Variants in PPP2R3C observed in about 807,000 individuals in gnomAD.
PPP2R3C encodes serine/threonine-protein phosphatase 2A regulatory subunit B'' subunit gamma.
PPP2R3C carries 47 observed loss-of-function variants against 63.7 expected under a neutral mutation model. The ratio of observed to expected loss-of-function variants is 0.74; its 90% CI spans 0.58 to 0.94. The LOEUF is 0.94. Among genes scored for constraint, PPP2R3C ranks in the 40% least tolerant of loss-of-function variants. PPP2R3C has a pLI of 0.00. For missense variants in PPP2R3C, 421 were observed against 518.4 expected (o/e 0.81, Z 1.82); for synonymous variants, 180 against 177.4 (o/e 1.01, Z -0.12).
At chr14:35,089,750 C>T (rs1401573318) in intron 11 of PPP2R3C, among the ~76,000 whole-genome samples, 1 of 152,210 alleles carries the variant, frequency 6.6e-6, no homozygotes, top group East Asian at 1.9e-4. Flanking sequence ...ACTGCAAGCT[C>T]TGCCTCCTGG....
intron 11 of PPP2R3C, among the ~76,000 whole-genome samples, chr14:35,090,500 T>C (rs1451561814): frequency 6.6e-6 from 1 of 152,018 alleles, no homozygotes; most frequent in East Asian, 1.9e-4. Flanking sequence ...AGCCAGACCC[T>C]TTCTCAAAAA....
At chr14:35,114,759 G>A (rs946579272) in intron 2 of PPP2R3C, among the ~76,000 whole-genome samples, 5 of 152,080 alleles carry the variant, frequency 3.3e-5, no homozygotes, top group Admixed American at 2.6e-4. Context: ...TTGGGAGGCC[G>A]AGGCAGGTAG....
At chr14:35,119,429 T>A (rs1395594617) in intron 1 of PPP2R3C, among the ~76,000 whole-genome samples, 4 of 152,080 alleles carry the variant, frequency 2.6e-5, no homozygotes, top group Non-Finnish European at 5.9e-5. Flanking sequence ...CCCAAACTCC[T>A]AGACTGAAAC....
At chr14:35,095,567 T>C (rs2045964276) in intron 9 of PPP2R3C, among the ~76,000 whole-genome samples, 1 of 150,940 alleles carries the variant, frequency 6.6e-6, no homozygotes, top group Non-Finnish European at 1.5e-5. Flanking sequence ...AGGTCGGGCG[T>C]GGTGGCTCAC....
chr14:35,109,246 G>A (rs571093168), intron 4 of PPP2R3C, among the ~76,000 whole-genome samples: 4 of 151,914 alleles, frequency 2.6e-5, no homozygotes, highest in East Asian at 3.9e-4. Flanking sequence ...TAGTAGAGAC[G>A]GGGTTTCACC....
chr14:35,116,792 T>C, intron 1 of PPP2R3C, 55 bp from the exon 2 acceptor site: 1 of 1,371,010 alleles, frequency 7.3e-7, no homozygotes, highest in Non-Finnish European at 9.8e-7. Flanking sequence ...GTACTTTTAC[T>C]CAGGTCATCC....
rs1378542262 is a variant in PPP2R3C, at chr14:35,109,853, A to C, written c.370T>G (p.Leu124Val). 4.4e-6 allele frequency: 7 copies of C among 1,609,044 alleles called. No individual in the cohort carries two copies. The highest frequency in any genetic ancestry group is 3.3e-5 in the Admixed American group (2 of 59,908). The change falls in exon 4 of 13, where the codon TTG becomes GTG. Residue 124 changes from leucine to valine, a missense_variant. Around this residue, in one of 3 missense-constraint regions of PPP2R3C, gnomAD observed 143 missense variants for 151.2 expected, o/e 0.95. Transcript: ENST00000261475. ...EEAMINYENF[L>V]KVGEKAGAKC... ...GCTCCAGCCTTTTCACCAACCTTCA[A>C]AAAGTTTTCGTAATTGATCATCGCT...
chr14:35,108,348 TAG>T (rs2046426878), intron 4 of PPP2R3C, 112 bp from the exon 5 acceptor site: 5 of 1,271,250 alleles, frequency 3.9e-6, no homozygotes, highest in Non-Finnish European at 5.2e-6. Context: ...GAAAGAACAA[TAG>T]AGACTCCTTA....
At chr14:35,099,410 T>A (rs777872422) in intron 6 of PPP2R3C, 26 bp from the exon 7 acceptor site, 1 of 1,583,408 alleles carries the variant, frequency 6.3e-7, no homozygotes, top group East Asian at 2.3e-5. Flanking sequence ...AATAAAGTGT[T>A]AAATGTCCAG....
intron 3 of PPP2R3C, chr14:35,110,191 T>C: frequency 2.2e-6 from 1 of 447,236 alleles, no homozygotes; most frequent in Non-Finnish European, 4.0e-6. Flanking sequence ...GAGATGATAA[T>C]CGAAGCACAG....
At chr14:35,087,566 A>AT in intron 12 of PPP2R3C, 1 of 179,762 alleles carries the variant, frequency 5.6e-6, no homozygotes, top group Non-Finnish European at 1.2e-5. Flanking sequence ...TGCCCAGCTA[A>AT]TTTTTGTATT....
At chr14:35,108,029 A>T in intron 5 of PPP2R3C, 110 bp downstream of exon 5, 1 of 1,402,050 alleles carries the variant, frequency 7.1e-7, no homozygotes, top group Non-Finnish European at 9.4e-7. Context: ...AAGAAATTCT[A>T]CTATTCAAAC....
chr14:35,116,030 A>G (rs1463066935), intron 2 of PPP2R3C, among the ~76,000 whole-genome samples: 2 of 152,166 alleles, frequency 1.3e-5, no homozygotes, highest in Non-Finnish European at 2.9e-5. Context: ...ATCCAATAGA[A>G]TACTTACTAC....
intron 7 of PPP2R3C, among the ~76,000 whole-genome samples, chr14:35,098,234 G>A (rs1364684183): frequency 1.4e-5 from 2 of 146,478 alleles, no homozygotes; most frequent in African/African-American, 5.1e-5. Context: ...AGACTGAAGT[G>A]CAGTGGCCCG....
At chr14:35,087,368 C>G (rs957542765) in intron 12 of PPP2R3C, 1 of 152,216 alleles carries the variant, frequency 6.6e-6, no homozygotes, top group Non-Finnish European at 1.5e-5. Flanking sequence ...AACAGACTGC[C>G]GTAGGATATA....
intron 7 of PPP2R3C, chr14:35,098,892 CTGCAGTA>C (rs1431111046): frequency 1.2e-5 from 2 of 161,868 alleles, no homozygotes; most frequent in Non-Finnish European, 1.3e-5. Context: ...GAGAATAATT[CTGCAGTA>C]TGTCACACAG....
At chr14:35,098,490 G>A (rs2046079458) in intron 7 of PPP2R3C, among the ~76,000 whole-genome samples, 1 of 151,514 alleles carries the variant, frequency 6.6e-6, no homozygotes, top group Non-Finnish European at 1.5e-5. Context: ...GGGATTACAG[G>A]TGTGAGCCAC....
At chr14:35,107,770 T>C (rs1246649595) in intron 5 of PPP2R3C, 1 of 363,008 alleles carries the variant, frequency 2.8e-6, no homozygotes, top group African/African-American at 2.1e-5. Context: ...CCAAGCTGTT[T>C]AATTGATGCT....
In PPP2R3C at chr14:35,085,698, G is replaced by A; in HGVS notation, c.1254C>T (p.Asp418=). ...AATCGATTAGAATGGTGGTTACTGTGTCTCCTTGATTACTGTTGATTAAAT... is the reference window on the plus strand; with the variant it reads ...AATCGATTAGAATGGTGGTTACTGTATCTCCTTGATTACTGTTGATTAAAT... The part of the protein sequence containing the change: ...LQDLINSNQG[D]TVTTILIDLN... Residue 418 remains aspartate, a synonymous_variant, in exon 13 of 13, where the codon GAC becomes GAT. Coordinates refer to ENST00000261475, the MANE Select transcript of PPP2R3C (RefSeq NM_017917.4). The A allele has an allele frequency of 6.2e-7, 1 of 1,612,202 alleles. No individual in the cohort carries two copies. The highest frequency in any genetic ancestry group is 1.1e-5 in the South Asian group (1 of 91,024).
Sources: allele counts gnomAD v4.1 joint callset (sites outside exome capture counted in the v4.1 genomes callset), GRCh38; gene constraint gnomAD v4.1.1; regional missense constraint gnomAD v4.1.1; transcripts MANE v1.5; gene names NCBI Gene and HGNC (gene_info 2026-07-23, HGNC 2026-07-21).